Variants in PIP4K2A observed in about 807,000 individuals in gnomAD.
PIP4K2A encodes phosphatidylinositol-5-phosphate 4-kinase type 2 alpha, also known as phosphatidylinositol 5-phosphate 4-kinase type-2 alpha.
Under a neutral mutation model 42.9 loss-of-function variants are expected in PIP4K2A, and 14 were observed. That is an observed-to-expected ratio of 0.33 (90% CI 0.22 to 0.51). The LOEUF is 0.51. Among genes scored for constraint, PIP4K2A ranks in the 20% least tolerant of loss-of-function variants. The pLI is 0.97. For synonymous variants in PIP4K2A, 192 were observed against 192.2 expected (o/e 1.00, Z 0.01); for missense variants, 434 against 519.8 (o/e 0.83, Z 1.61).
At chr10:22,660,553 A>G (rs147977179) in intron 1 of PIP4K2A, among the ~76,000 whole-genome samples, 12 of 152,308 alleles carry the variant, frequency 7.9e-5, no homozygotes, top group African/African-American at 2.9e-4. Flanking sequence ...AGATGCAAGA[A>G]TCTAGGTGAT....
intron 4 of PIP4K2A, among the ~76,000 whole-genome samples, chr10:22,582,932 A>T (rs1837312196): frequency 6.6e-6 from 1 of 151,348 alleles, no homozygotes; most frequent in East Asian, 1.9e-4. Flanking sequence ...ACTACATTTA[A>T]GCAAATATAA....
chr10:22,648,007 TC>T (rs1364831329), intron 1 of PIP4K2A, among the ~76,000 whole-genome samples: 1 of 152,220 alleles, frequency 6.6e-6, no homozygotes, highest in Non-Finnish European at 1.5e-5. Context: ...CTAAAGACCT[TC>T]CTGAATCCTT....
intron 1 of PIP4K2A, among the ~76,000 whole-genome samples, chr10:22,654,466 C>T (rs1046367340): frequency 3.3e-5 from 5 of 152,170 alleles, no homozygotes; most frequent in Admixed American, 1.3e-4. Flanking sequence ...ATCTTAGTAA[C>T]AACGACATCT....
chr10:22,621,116 A>G (rs1267750153), intron 1 of PIP4K2A, among the ~76,000 whole-genome samples: 3 of 152,222 alleles, frequency 2.0e-5, no homozygotes, highest in African/African-American at 7.2e-5. Context: ...TGATGCACAG[A>G]AAAGACGGGA....
intron 6 of PIP4K2A, among the ~76,000 whole-genome samples, chr10:22,566,503 A>G (rs1836851551): frequency 6.6e-6 from 1 of 151,598 alleles, no homozygotes; most frequent in Non-Finnish European, 1.5e-5. Context: ...CTGGCACTCA[A>G]TCCCTCAGTT....
At chr10:22,676,804 G>A (rs547473579) in intron 1 of PIP4K2A, among the ~76,000 whole-genome samples, 18 of 152,292 alleles carry the variant, frequency 1.2e-4, no homozygotes, top group African/African-American at 4.3e-4. Context: ...TAGCAGAGGA[G>A]GAAGCCAACA....
intron 5 of PIP4K2A, chr10:22,569,195 G>A (rs753182680): frequency 3.3e-5 from 22 of 665,500 alleles, no homozygotes; most frequent in Non-Finnish European, 5.8e-5. Flanking sequence ...GCCAAGACCA[G>A]GCTGGGGGGG....
At chr10:22,639,587 G>A (rs1357755376) in intron 1 of PIP4K2A, among the ~76,000 whole-genome samples, 2 of 151,572 alleles carry the variant, frequency 1.3e-5, no homozygotes, top group Admixed American at 6.6e-5. Context: ...CACAATTCGC[G>A]GAATATCCTG....
At chr10:22,598,845 T>C (rs1327977392) in intron 3 of PIP4K2A, among the ~76,000 whole-genome samples, 1 of 152,180 alleles carries the variant, frequency 6.6e-6, no homozygotes, top group Non-Finnish European at 1.5e-5. Context: ...TTACTATTAG[T>C]TTATGGGAAA....
rs1331737405 is a variant in PIP4K2A, at chr10:22,536,084, T to A, written c.*1117A>T. 5.0e-6 allele frequency: 2 copies of A among 398,468 alleles called. No individual in the cohort carries two copies. Among genetic ancestry groups the A allele is most frequent in the African/African-American group, 4.1e-5 (2 of 48,642 alleles). The allele number at this position is 398,468 out of a possible 1,614,324, so 24.7% of individuals were successfully genotyped here. On this transcript the variant is annotated 3_prime_UTR_variant, in exon 10 of 10. Coordinates refer to ENST00000376573, the MANE Select transcript of PIP4K2A (RefSeq NM_005028.5). ...AATTTTTAGATTCAAAAGATATCCC[T>A]GTTTTCCTAATAATGTAAACAGTAA... is the stretch of plus-strand genomic sequence containing the variant.
At chr10:22,558,719 A>G (rs774264299) in intron 6 of PIP4K2A, among the ~76,000 whole-genome samples, 7 of 152,232 alleles carry the variant, frequency 4.6e-5, no homozygotes, top group Non-Finnish European at 8.8e-5. Context: ...ATCTGTGACT[A>G]GCATCCAGAT....
intron 1 of PIP4K2A, among the ~76,000 whole-genome samples, chr10:22,644,250 A>C (rs1838836705): frequency 6.6e-6 from 1 of 152,096 alleles, no homozygotes; most frequent in Non-Finnish European, 1.5e-5. Flanking sequence ...CCCTGCAGTC[A>C]AGTCTTCAGC....
chr10:22,587,832 T>C (rs911148436), intron 4 of PIP4K2A, among the ~76,000 whole-genome samples: 9 of 152,374 alleles, frequency 5.9e-5, no homozygotes, highest in Admixed American at 3.9e-4. Context: ...AACTACACAC[T>C]GGTGTGGCCT....
chr10:22,572,764 C>A (rs916046519), intron 5 of PIP4K2A, among the ~76,000 whole-genome samples: 1 of 152,194 alleles, frequency 6.6e-6, no homozygotes, highest in African/African-American at 2.4e-5. Context: ...CAGGGGCCCC[C>A]CTTTATCTCC....
intron 1 of PIP4K2A, among the ~76,000 whole-genome samples, chr10:22,674,828 G>GGT (rs1470435610): frequency 1.3e-5 from 2 of 151,800 alleles, no homozygotes; most frequent in East Asian, 3.9e-4. Flanking sequence ...AGCCAGGAGT[G>GGT]GTGGTGTGCC....
intron 1 of PIP4K2A, among the ~76,000 whole-genome samples, chr10:22,623,397 G>A (rs11013069): frequency 0.23 from 35,148 of 152,022 alleles, 4,534 homozygotes; most frequent in African/African-American, 0.35. Flanking sequence ...GGGGCAGACC[G>A]CAGCTCTAAG....
chr10:22,555,469 C>T (rs970214363), intron 6 of PIP4K2A, among the ~76,000 whole-genome samples: 30 of 152,156 alleles, frequency 2.0e-4, no homozygotes, highest in African/African-American at 5.8e-4. Flanking sequence ...CTAGGAAAAG[C>T]GCATCGCTGA....
At chr10:22,704,432 C>CAGGT (rs1833775389) in intron 1 of PIP4K2A, among the ~76,000 whole-genome samples, 1 of 151,988 alleles carries the variant, frequency 6.6e-6, no homozygotes, top group Non-Finnish European at 1.5e-5. Context: ...TTGACGGTTG[C>CAGGT]CAGGTACGGT....
intron 3 of PIP4K2A, 107 bp from the exon 4 acceptor site, chr10:22,591,888 C>T (rs186766794): frequency 2.0e-6 from 2 of 978,604 alleles, no homozygotes; most frequent in African/African-American, 3.3e-5. Flanking sequence ...TTTTCAAAAA[C>T]ATTTGTGTGT....
Sources: allele counts gnomAD v4.1 joint callset (sites outside exome capture counted in the v4.1 genomes callset), GRCh38; gene constraint gnomAD v4.1.1; transcripts MANE v1.5; gene names NCBI Gene and HGNC (gene_info 2026-07-23, HGNC 2026-07-21).